The following PES1 variants were observed in gnomAD, a reference collection of about 807,000 sequenced individuals.
PES1 encodes pescadillo ribosomal biogenesis factor 1, also known as pescadillo homolog.
A neutral mutation model predicts 77.1 loss-of-function variants in PES1; 31 were observed. The observed-to-expected ratio is 0.40, with a 90% CI of 0.30 to 0.54. PES1 has a LOEUF of 0.54. Among genes scored for constraint, PES1 ranks in the 20% least tolerant of loss-of-function variants. The probability of loss-of-function intolerance (pLI) is 0.45; values close to 1 mark genes in which losing one functional copy is unlikely to be tolerated. For synonymous variants in PES1, 282 were observed against 303.0 expected, an observed-to-expected ratio of 0.93 and a Z score of 0.72; for missense variants, 658 against 771.7, an observed-to-expected ratio of 0.85 and a Z score of 1.75.
In PES1 at chr22:30,584,602, G is replaced by A. The variant is rs751756255; in HGVS notation, c.484C>T (p.Arg162Cys). The A allele has an allele frequency of 1.2e-5, 19 of 1,613,390 alleles. No homozygotes were observed. The highest frequency in any genetic ancestry group is 4.0e-5 in the African/African-American group (3 of 74,924). ...KCHVQTIQLC[R>C]RLTVEFMHYI... ...TGCATGAACTCCACAGTGAGCCGGC[G>A]GCACAGCTGAATGGTCTGCACGTGG... Residue 162 changes from arginine to cysteine, a missense_variant, in exon 5 of 15, where the codon CGC becomes TGC. Transcript: ENST00000354694.
chr22:30,596,475 A>G (rs896760161), upstream of PES1, among the ~76,000 whole-genome samples: 54 of 151,350 alleles, frequency 3.6e-4, no homozygotes, highest in African/African-American at 1.2e-3. Context: ...ATGAGCCACC[A>G]TGCCTGGCCC....
intron 2 of PES1, among the ~76,000 whole-genome samples, chr22:30,597,986 C>T (rs2087288815): frequency 6.7e-6 from 1 of 149,702 alleles, no homozygotes; most frequent in Non-Finnish European, 1.5e-5. Flanking sequence ...CGGGTTCACG[C>T]CATTCTCCTG....
chr22:30,586,787 T>C (rs186461297), intron 4 of PES1, among the ~76,000 whole-genome samples: 43 of 152,280 alleles, frequency 2.8e-4, no homozygotes, highest in African/African-American at 1.0e-3. Flanking sequence ...CAGTCTCTAC[T>C]AAAAGTACAA....
intron 2 of PES1, 133 bp downstream of exon 2, chr22:30,589,058 G>T (rs886786331): frequency 9.5e-6 from 6 of 633,670 alleles, no homozygotes; most frequent in Non-Finnish European, 1.7e-5. Flanking sequence ...ACTCACTAAA[G>T]CAAGGGCGGT....
chr22:30,587,555 AAAGAGCC>A (rs1241585910), intron 3 of PES1, among the ~76,000 whole-genome samples, 160 bp from the exon 4 acceptor site: 1 of 152,182 alleles, frequency 6.6e-6, no homozygotes, highest in Non-Finnish European at 1.5e-5. Flanking sequence ...AGGATGAGCA[AAAGAGCC>A]AACTCCAAGG....
At chr22:30,577,826 G>A (rs2086925668) in intron 14 of PES1, among the ~76,000 whole-genome samples, 1 of 152,200 alleles carries the variant, frequency 6.6e-6, no homozygotes, top group Non-Finnish European at 1.5e-5. Flanking sequence ...CAAAACTGCA[G>A]CAATTATGCT....
intron 2 of PES1, among the ~76,000 whole-genome samples, chr22:30,602,252 A>G (rs2087367107): frequency 6.6e-6 from 1 of 152,010 alleles, no homozygotes; most frequent in Non-Finnish European, 1.5e-5. Flanking sequence ...CTATGGTTTT[A>G]AGTGTGGCAC....
intron 6 of PES1, among the ~76,000 whole-genome samples, chr22:30,582,336 G>A (rs925073445): frequency 1.3e-5 from 2 of 152,206 alleles, no homozygotes; most frequent in Non-Finnish European, 2.9e-5. Context: ...GACCCGAGGG[G>A]CCAGGGTAGG....
intron 8 of PES1, 84 bp downstream of exon 8, chr22:30,581,250 C>G (rs2086982471): frequency 4.8e-6 from 7 of 1,473,438 alleles, no homozygotes; most frequent in Admixed American, 1.7e-5. Flanking sequence ...TAACCACCCC[C>G]ACTCTGAACC....
chr22:30,591,027 C>T (rs2087168018), intron 1 of PES1, among the ~76,000 whole-genome samples: 1 of 152,126 alleles, frequency 6.6e-6, no homozygotes, highest in Admixed American at 6.6e-5. Context: ...TCCTCATTCC[C>T]ATTCCCTTCC....
intron 1 of PES1, among the ~76,000 whole-genome samples, chr22:30,606,171 G>T (rs138267991): frequency 6.6e-6 from 1 of 152,050 alleles, no homozygotes; most frequent in Non-Finnish European, 1.5e-5. Flanking sequence ...GTTACTTTCC[G>T]AGTTCTGGCA....
At chr22:30,582,899 C>T (rs893752456) in intron 6 of PES1, among the ~76,000 whole-genome samples, 2 of 152,240 alleles carry the variant, frequency 1.3e-5, no homozygotes, top group African/African-American at 4.8e-5. Flanking sequence ...GAACCCAACC[C>T]TGGCTGCTCA....
chr22:30,594,063 C>T (rs1241574666), upstream of PES1, among the ~76,000 whole-genome samples: 6 of 152,200 alleles, frequency 3.9e-5, no homozygotes, highest in Admixed American at 1.3e-4. Flanking sequence ...ATCAGCATTA[C>T]GGTGAAAAGC....
intron 9 of PES1, 44 bp downstream of exon 9, chr22:30,580,968 C>T (rs745626369): frequency 1.6e-5 from 25 of 1,534,348 alleles, no homozygotes; most frequent in East Asian, 9.0e-5. Flanking sequence ...ACCCCCCACA[C>T]GACCCCTCCC....
At chr22:30,578,444 T>C (rs1460594881) in intron 14 of PES1, among the ~76,000 whole-genome samples, 1 of 152,172 alleles carries the variant, frequency 6.6e-6, no homozygotes, top group Admixed American at 6.5e-5. Context: ...CCAGGGTGCA[T>C]GAGTTTGTAT....
intron 10 of PES1, 134 bp from the exon 11 acceptor site, chr22:30,580,312 CAGGATCCTTCA>C (rs2086963279): frequency 8.4e-7 from 1 of 1,184,546 alleles, no homozygotes; most frequent in Non-Finnish European, 1.2e-6. Context: ...CTCCTCACCC[CAGGATCCTTCA>C]ATCCTGGCTC....
chr22:30,591,762 GC>G, intron 1 of PES1, 47 bp downstream of exon 1: 1 of 1,542,124 alleles, frequency 6.5e-7, no homozygotes. Context: ...ATGCTCTGCC[GC>G]CCCCGCACCC....
upstream of PES1, among the ~76,000 whole-genome samples, chr22:30,592,676 A>C (rs1232906332): frequency 6.6e-6 from 1 of 152,214 alleles, no homozygotes; most frequent in Non-Finnish European, 1.5e-5. Flanking sequence ...ACACGCCTGT[A>C]ATCCCAGCTA....
Position 30,599,477 on chromosome 22 carries a change from TATC to T in PES1, c.-661+5981_-661+5983del, listed in dbSNP as rs2087320997. On this transcript the variant is annotated intron_variant, in intron 2 of 16. Transcript: ENST00000402281. ...TAGGAAACAGCGAAATCTTCCGAGT[TATC>T]AACAAAATAAGTACGTATTTTAAGA... is the stretch of plus-strand genomic sequence containing the variant. Among the ~76,000 whole-genome samples, 3 of 152,198 alleles carry T rather than the reference TATC, an allele frequency of 2.0e-5. No homozygotes were observed. The South Asian group carries it at 6.2e-4, about 31-fold the overall frequency.
Sources: gnomAD v4.1 joint callset for allele counts (sites outside exome capture counted in the v4.1 genomes callset) on GRCh38, gnomAD v4.1.1 for gene constraint, MANE v1.5 for transcripts, NCBI Gene and HGNC (gene_info 2026-07-23, HGNC 2026-07-21) for gene names.